Variants in SAMTOR observed in about 807,000 individuals in gnomAD.
SAMTOR encodes S-adenosylmethionine sensor upstream of mTORC1.
chr7:112,826,504 G>A, the SAMTOR span, among the ~76,000 whole-genome samples: 1 of 152,042 alleles, frequency 6.6e-6, no homozygotes, highest in Admixed American at 6.5e-5. Context: ...CTGTCATGAT[G>A]TTACCTTTTT....
chr7:112,889,686 C>A, the SAMTOR span, among the ~76,000 whole-genome samples: 1 of 152,138 alleles, frequency 6.6e-6, no homozygotes, highest in Non-Finnish European at 1.5e-5. Flanking sequence ...TCATCAAAAA[C>A]AACTACTTTA....
At chr7:112,877,893 T>C in the SAMTOR span, among the ~76,000 whole-genome samples, 1 of 152,204 alleles carries the variant, frequency 6.6e-6, no homozygotes, top group Non-Finnish European at 1.5e-5. Flanking sequence ...CTGTGAATAA[T>C]AGCTTCCTGA....
At chr7:112,846,871 T>C in the SAMTOR span, among the ~76,000 whole-genome samples, 1 of 152,244 alleles carries the variant, frequency 6.6e-6, no homozygotes, top group African/African-American at 2.4e-5. Context: ...TAATACCTAA[T>C]ATAAATATGA....
At chr7:112,867,123 G>C in the SAMTOR span, among the ~76,000 whole-genome samples, 134 of 152,302 alleles carry the variant, frequency 8.8e-4, no homozygotes, top group Middle Eastern at 0.014. Context: ...GACTGCACTA[G>C]CTCCCTAGCA....
chr7:112,826,854 G>A, the SAMTOR span, among the ~76,000 whole-genome samples: 1 of 152,104 alleles, frequency 6.6e-6, no homozygotes, highest in Non-Finnish European at 1.5e-5. Flanking sequence ...TCTTCGCCAA[G>A]TGTTCAGTAT....
the SAMTOR span, chr7:112,939,090 G>C: frequency 8.9e-5 from 14 of 156,646 alleles, no homozygotes; most frequent in Admixed American, 2.4e-4. Context: ...TGCGAGGAAG[G>C]CTCGGCATGG....
At chr7:112,939,694 C>T in the SAMTOR span, 1 of 1,611,840 alleles carries the variant, frequency 6.2e-7, no homozygotes, top group Non-Finnish European at 8.5e-7. Flanking sequence ...GCGGAGTGTT[C>T]GGGGACCCGG....
chr7:112,923,551 T>C, the SAMTOR span, among the ~76,000 whole-genome samples: 1 of 152,052 alleles, frequency 6.6e-6, no homozygotes, highest in Admixed American at 6.5e-5. Flanking sequence ...CAACAGGTGC[T>C]GGAGAGGATG....
chr7:112,843,157 T>TA, the SAMTOR span, among the ~76,000 whole-genome samples: 2 of 152,014 alleles, frequency 1.3e-5, no homozygotes, highest in Non-Finnish European at 2.9e-5. Context: ...TCAAAGGTTT[T>TA]AAAATAATTT....
the SAMTOR span, among the ~76,000 whole-genome samples, chr7:112,866,251 A>G: frequency 1.3e-5 from 2 of 152,220 alleles, no homozygotes; most frequent in African/African-American, 4.8e-5. Context: ...AATATAATAA[A>G]TGTATAATAC....
the SAMTOR span, among the ~76,000 whole-genome samples, chr7:112,916,873 C>T: frequency 9.9e-5 from 15 of 152,280 alleles, no homozygotes; most frequent in Non-Finnish European, 5.9e-5. Context: ...AACTGCAAGG[C>T]GGCAGCGAGA....
At chr7:112,890,976 C>CA in the SAMTOR span, among the ~76,000 whole-genome samples, 1 of 151,958 alleles carries the variant, frequency 6.6e-6, no homozygotes, top group African/African-American at 2.4e-5. Context: ...AGGCATGAGC[C>CA]AATGTGCCCA....
the SAMTOR span, among the ~76,000 whole-genome samples, chr7:112,831,167 G>A: frequency 6.6e-6 from 1 of 152,148 alleles, no homozygotes; most frequent in East Asian, 1.9e-4. Context: ...AATGCATTTT[G>A]TAACTATTTA....
At chr7:112,864,850 G>A in the SAMTOR span, among the ~76,000 whole-genome samples, 13 of 152,152 alleles carry the variant, frequency 8.5e-5, no homozygotes, top group African/African-American at 3.1e-4. Flanking sequence ...GACCTCTCGG[G>A]CTTAAGTGAT....
the SAMTOR span, among the ~76,000 whole-genome samples, chr7:112,923,570 T>C: frequency 6.6e-5 from 10 of 152,186 alleles, no homozygotes; most frequent in East Asian, 3.9e-4. Context: ...TGTGGAGAAA[T>C]AGGAACACTT....
the SAMTOR span, among the ~76,000 whole-genome samples, chr7:112,859,038 C>T: frequency 6.6e-6 from 1 of 152,102 alleles, no homozygotes; most frequent in Non-Finnish European, 1.5e-5. Flanking sequence ...GTGGGTGGGC[C>T]TCATCCAATC....
the SAMTOR span, among the ~76,000 whole-genome samples, chr7:112,877,624 T>C: frequency 2.0e-5 from 3 of 152,152 alleles, no homozygotes; most frequent in Non-Finnish European, 4.4e-5. Flanking sequence ...TTCTAGTGTA[T>C]GGCTGGTATA....
the SAMTOR span, among the ~76,000 whole-genome samples, chr7:112,851,555 A>T: frequency 6.6e-6 from 1 of 152,200 alleles, no homozygotes; most frequent in Non-Finnish European, 1.5e-5. Context: ...AAGATTGATT[A>T]AAGATTTAAA....
the SAMTOR span, among the ~76,000 whole-genome samples, chr7:112,889,325 CATGCTTCAAATATAGTCTAACAT>C: frequency 6.6e-6 from 1 of 152,162 alleles, no homozygotes; most frequent in African/African-American, 2.4e-5. Context: ...TGGAAGAGAA[CATGCTTCAAATATAGTCTAACAT>C]AAAATACACC....
Sources: allele counts gnomAD v4.1 joint callset (sites outside exome capture counted in the v4.1 genomes callset), GRCh38; gene constraint gnomAD v4.1.1; transcripts MANE v1.5; gene names NCBI Gene and HGNC (gene_info 2026-07-23, HGNC 2026-07-21).